The following ANO10 variants were observed in gnomAD, a reference collection of about 807,000 sequenced individuals.
ANO10 encodes anoctamin-10.
ANO10 carries 77 observed loss-of-function variants against 74.7 expected under a neutral mutation model. The observed-to-expected ratio is 1.03, with a 90% CI of 0.86 to 1.25. The LOEUF is 1.25. ANO10 is among the 50% of genes most tolerant of loss of function. The pLI is 0.00. For missense variants in ANO10, 721 were observed against 778.1 expected (o/e 0.93, Z 0.87); for synonymous variants, 279 against 284.9 (o/e 0.98, Z 0.21).
rs771453712 is a variant in ANO10 at position 43,575,218 on chromosome 3, A to G, written c.1163-354T>C. Among the ~76,000 whole-genome samples, 3 of 152,078 alleles carry G rather than the reference A, an allele frequency of 2.0e-5. No homozygotes were observed. In the South Asian group the frequency reaches 6.2e-4, roughly 31 times the overall value. The stretch of plus-strand genomic sequence containing the variant: ...ACCTCTAGAGAAGAGGGCAATAAAT[A>G]AAGTTTTCTGTAAATAAAGTTCTGT... On this transcript the variant is annotated intron_variant, in intron 6 of 12. Transcript: ENST00000292246.
At chr3:43,565,501 TA>T in intron 8 of ANO10, 151 bp downstream of exon 8, 1 of 731,768 alleles carries the variant, frequency 1.4e-6, no homozygotes, top group Non-Finnish European at 2.2e-6. Flanking sequence ...ATGCCATTCC[TA>T]ATAATTTTTT....
chr3:43,388,233 C>A (rs2092180885), intron 12 of ANO10, among the ~76,000 whole-genome samples: 1 of 152,098 alleles, frequency 6.6e-6, no homozygotes, highest in South Asian at 2.1e-4. Flanking sequence ...TGTGCAAGTG[C>A]TTCAGGAGAG....
chr3:43,518,902 C>T (rs1480849151), intron 11 of ANO10, among the ~76,000 whole-genome samples: 1 of 152,108 alleles, frequency 6.6e-6, no homozygotes, highest in African/African-American at 2.4e-5. Flanking sequence ...CCTGTGATCT[C>T]GCTCTGCCCC....
chr3:43,533,094 A>G (rs540601279), intron 11 of ANO10, among the ~76,000 whole-genome samples: 1 of 152,318 alleles, frequency 6.6e-6, no homozygotes, highest in South Asian at 2.1e-4. Context: ...TCAAACAAGA[A>G]ATGAGCTGTT....
intron 4 of ANO10, among the ~76,000 whole-genome samples, chr3:43,587,604 T>A (rs1039253339): frequency 6.6e-6 from 1 of 152,124 alleles, no homozygotes; most frequent in African/African-American, 2.4e-5. Flanking sequence ...AAGCACTGCT[T>A]CTGGGAAATG....
intron 11 of ANO10, among the ~76,000 whole-genome samples, chr3:43,464,442 G>T (rs2075524722): frequency 6.6e-6 from 1 of 152,180 alleles, no homozygotes; most frequent in Non-Finnish European, 1.5e-5. Flanking sequence ...CACTTCAGGA[G>T]GCCAAGGTGG....
intron 4 of ANO10, among the ~76,000 whole-genome samples, chr3:43,597,562 T>G (rs547875660): frequency 6.6e-6 from 1 of 151,334 alleles, no homozygotes; most frequent in South Asian, 2.1e-4. Context: ...AGGTGAACAA[T>G]GAGAACACAT....
intron 1 of ANO10, chr3:43,691,244 G>T (rs1162269599): frequency 2.3e-6 from 1 of 430,334 alleles, no homozygotes; most frequent in Non-Finnish European, 3.9e-6. Flanking sequence ...CCTCAGCGTC[G>T]GGGCCCCGAG....
intron 12 of ANO10, among the ~76,000 whole-genome samples, chr3:43,375,645 T>C (rs1160103844): frequency 6.6e-6 from 1 of 151,950 alleles, no homozygotes. Context: ...TTAGACCAGG[T>C]CTCCTACTCT....
intron 11 of ANO10, chr3:43,472,692 A>T (rs1405261813): frequency 6.6e-6 from 1 of 151,814 alleles, no homozygotes; most frequent in Admixed American, 6.6e-5. Context: ...AAATTGCTAT[A>T]AAAAAAATTT....
chr3:43,589,649 A>G (rs1369532763), intron 4 of ANO10, among the ~76,000 whole-genome samples: 1 of 152,162 alleles, frequency 6.6e-6, no homozygotes, highest in Non-Finnish European at 1.5e-5. Flanking sequence ...AATTGAAGCA[A>G]TCACTATAGA....
At chr3:43,455,457 C>T (rs557111529) in intron 11 of ANO10, among the ~76,000 whole-genome samples, 3 of 151,584 alleles carry the variant, frequency 2.0e-5, no homozygotes, top group South Asian at 2.1e-4. Flanking sequence ...GTGACAGGTA[C>T]GTGTATTAGA....
intron 12 of ANO10, among the ~76,000 whole-genome samples, chr3:43,416,019 TA>T (rs71616093): frequency 0.47 from 67,614 of 142,868 alleles, 17,030 homozygotes; most frequent in East Asian, 0.78. Context: ...TCCAAGAAGT[TA>T]AAAAAAAAAA....
chr3:43,620,890 G>A (rs997487941), intron 1 of ANO10, among the ~76,000 whole-genome samples: 4 of 152,272 alleles, frequency 2.6e-5, no homozygotes, highest in Non-Finnish European at 5.9e-5. Context: ...GCAACTCTAC[G>A]ATTCTTTCAG....
At chr3:43,534,447 T>C (rs1397311365) in intron 11 of ANO10, among the ~76,000 whole-genome samples, 5 of 150,492 alleles carry the variant, frequency 3.3e-5, no homozygotes, top group Non-Finnish European at 7.4e-5. Flanking sequence ...TATGTGAGCA[T>C]GTGTGTGTGC....
chr3:43,670,461 T>C (rs539114367), intron 1 of ANO10, among the ~76,000 whole-genome samples: 1 of 152,338 alleles, frequency 6.6e-6, no homozygotes, highest in South Asian at 2.1e-4. Flanking sequence ...TTTTACATAA[T>C]GTTTATATGA....
chr3:43,573,360 T>C (rs956929953), intron 7 of ANO10, among the ~76,000 whole-genome samples: 2 of 152,232 alleles, frequency 1.3e-5, no homozygotes, highest in African/African-American at 4.8e-5. Flanking sequence ...TTTCCTTACC[T>C]GTTCTTTCTC....
At chr3:43,587,654 A>G (rs1242321738) in intron 4 of ANO10, among the ~76,000 whole-genome samples, 2 of 152,356 alleles carry the variant, frequency 1.3e-5, no homozygotes, top group South Asian at 2.1e-4. Context: ...CTTTGGGGGT[A>G]GCAGCTTATG....
At chr3:43,466,567 A>G (rs1304001344) in intron 11 of ANO10, among the ~76,000 whole-genome samples, 2 of 152,150 alleles carry the variant, frequency 1.3e-5, no homozygotes, top group Non-Finnish European at 2.9e-5. Context: ...ATATTCATAT[A>G]GGAAAACAAT....
Sources: allele counts gnomAD v4.1 joint callset (sites outside exome capture counted in the v4.1 genomes callset), GRCh38; gene constraint gnomAD v4.1.1; transcripts MANE v1.5; gene names NCBI Gene and HGNC (gene_info 2026-07-23, HGNC 2026-07-21).